Variants in DNAH5 observed in about 807,000 individuals in gnomAD.
DNAH5 encodes the protein dynein axonemal heavy chain 5.
DNAH5 carries 372 observed loss-of-function variants against 518.2 expected under a neutral mutation model. That is an observed-to-expected ratio of 0.72 (90% CI 0.66 to 0.78). The LOEUF (loss-of-function observed/expected upper bound fraction) is 0.78, where lower values mean the gene tolerates loss of function less well. Ranked by LOEUF, DNAH5 falls within the 30% of genes least tolerant of loss-of-function variation. The probability of loss-of-function intolerance (pLI) is 0.00; values close to 1 mark genes in which losing one functional copy is unlikely to be tolerated. For synonymous variants in DNAH5, 2,039 were observed against 2,025.9 expected, an observed-to-expected ratio of 1.01 and a Z score of -0.17; for missense variants, 5,523 against 5,687.0, an observed-to-expected ratio of 0.97 and a Z score of 0.93.
intron 1 of DNAH5, among the ~76,000 whole-genome samples, chr5:13,990,599 G>A (rs575720463): frequency 6.6e-6 from 1 of 152,008 alleles, no homozygotes; most frequent in South Asian, 2.1e-4. Context: ...CAGGCGTGGT[G>A]GCTCATTCCT....
chr5:13,999,177 T>G (rs931078512), intron 1 of DNAH5, among the ~76,000 whole-genome samples: 1 of 152,240 alleles, frequency 6.6e-6, no homozygotes, highest in African/African-American at 2.4e-5. Flanking sequence ...CGGCCTGCCA[T>G]TAATTACTTT....
At chr5:13,870,729 A>C in intron 24 of DNAH5, 38 bp downstream of exon 24, 2 of 1,539,002 alleles carry the variant, frequency 1.3e-6, no homozygotes, top group Non-Finnish European at 1.8e-6. Context: ...TCCAACATGT[A>C]GAAATATTTC....
rs1185501407 is a variant in DNAH5, at chr5:13,809,163, G to A, written c.7633C>T (p.Arg2545Cys). Residue 2545 changes from arginine (R) to cysteine (C), a missense_variant, in exon 46 of 79, where the codon CGT becomes TGT. Arg to Cys is a radical substitution (Grantham distance 180, BLOSUM62 -3). Coordinates refer to ENST00000265104, the MANE Select transcript of DNAH5 (RefSeq NM_001369.3). The part of the protein sequence containing the change: ...PDGTWTHWNT[R>C]TQEYLYPSDT... ...GACGGATACAGGTATTCCTGGGTAC[G>A]CGTGTTCCAGTGCGTCCATGTACCT... is the stretch of plus-strand genomic sequence containing the variant. 9.9e-6 allele frequency: 16 copies of A among 1,614,002 alleles called. No homozygotes were observed. Among genetic ancestry groups the A allele is most frequent in the Middle Eastern group, 1.6e-4 (1 of 6,084 alleles).
chr5:13,728,746 CCTT>C (rs1268009135), intron 69 of DNAH5, among the ~76,000 whole-genome samples: 3 of 152,132 alleles, frequency 2.0e-5, no homozygotes, highest in Non-Finnish European at 4.4e-5. Flanking sequence ...TCAAAAAAAG[CCTT>C]CAACTTATAG....
At chr5:13,742,098 C>A (rs1036055625) in intron 65 of DNAH5, among the ~76,000 whole-genome samples, 1 of 151,892 alleles carries the variant, frequency 6.6e-6, no homozygotes, top group South Asian at 2.1e-4. Flanking sequence ...AAATGTGGCA[C>A]AAAGTAAATG....
At chr5:13,850,110 C>T (rs961880236) in intron 31 of DNAH5, among the ~76,000 whole-genome samples, 2 of 152,080 alleles carry the variant, frequency 1.3e-5, no homozygotes, top group African/African-American at 4.8e-5. Context: ...TCAATGTACA[C>T]TTAGCATATT....
Position 13,776,576 on chromosome 5 carries a change from C to T in DNAH5, c.9236G>A (p.Arg3079Gln), listed in dbSNP as rs752552477. 38 of 1,613,784 alleles carry T rather than the reference C, an allele frequency of 2.4e-5. 1 individual carries two copies. The Admixed American group carries it at 2.7e-4, about 11-fold the overall frequency. ...GCAGAGCACAATATGAAGGTTCTGT[C>T]GGACCCGACTCATGAAGTAGTCGTG... ...NLHDYFMSRV[R>Q]QNLHIVLCFS... Residue 3079 changes from arginine (R) to glutamine (Q), a missense_variant, in exon 55 of 79, where the codon CGA becomes CAA. By Grantham distance (43) the Arg-to-Gln change is conservative. Coordinates refer to ENST00000265104, the MANE Select transcript of DNAH5 (RefSeq NM_001369.3).
intron 3 of DNAH5, among the ~76,000 whole-genome samples, chr5:13,924,926 C>T (rs1386589303): frequency 6.6e-6 from 1 of 151,972 alleles, no homozygotes; most frequent in Non-Finnish European, 1.5e-5. Flanking sequence ...TTTAGATCTC[C>T]AAATGGACCG....
chr5:13,974,558 G>T (rs553928652), intron 1 of DNAH5, among the ~76,000 whole-genome samples: 2 of 152,258 alleles, frequency 1.3e-5, no homozygotes, highest in East Asian at 1.9e-4. Flanking sequence ...AAGTTCAATA[G>T]GGATGGTGAA....
intron 1 of DNAH5, among the ~76,000 whole-genome samples, chr5:13,983,098 G>C (rs974704991): frequency 1.3e-5 from 2 of 152,214 alleles, no homozygotes; most frequent in Admixed American, 6.5e-5. Flanking sequence ...AAAAGCCCTA[G>C]GAATCTGGAT....
chr5:13,718,938 T>G lies in DNAH5; in HGVS notation c.12443A>C (p.Lys4148Thr). 6.2e-7 allele frequency: 1 copy of G among 1,614,146 alleles called. No homozygotes were observed. The highest frequency in any genetic ancestry group is 1.1e-5 in the South Asian group (1 of 91,074). ...FPITLLQMSI[K>T]FANDPPQGLR... ...TCCTTGTGGAGGATCGTTGGCAAAT[T>G]TAATGGACATCTGAAGGAGTGTAAT... is the stretch of plus-strand genomic sequence containing the variant. The change falls in exon 72 of 79, where the codon AAA becomes ACA. Residue 4148 changes from lysine (K) to threonine (T), a missense_variant. Lys to Thr is a moderately conservative substitution (Grantham distance 78). This residue lies in a region of DNAH5 where 5,121 missense variants were observed against 5,223.3 expected (regional missense o/e 0.98). Transcript: ENST00000265104.
intron 1 of DNAH5, among the ~76,000 whole-genome samples, chr5:13,974,417 G>A (rs1782093646): frequency 6.6e-6 from 1 of 152,126 alleles, no homozygotes; most frequent in Non-Finnish European, 1.5e-5. Flanking sequence ...GAGCCATCAT[G>A]CCCAGCAACA....
At chr5:13,788,998 A>T in intron 50 of DNAH5, 84 bp from the exon 51 acceptor site, 2 of 1,226,258 alleles carry the variant, frequency 1.6e-6, no homozygotes, top group South Asian at 2.6e-5. Flanking sequence ...GTAGAGTATT[A>T]TCCTTCCTGA....
intron 47 of DNAH5, among the ~76,000 whole-genome samples, chr5:13,803,153 A>G (rs377272297): frequency 1.3e-5 from 2 of 152,188 alleles, no homozygotes; most frequent in South Asian, 2.1e-4. Context: ...CATGTTACAT[A>G]CAATTAAACA....
intron 35 of DNAH5, among the ~76,000 whole-genome samples, chr5:13,831,634 A>G (rs1763679352): frequency 6.6e-6 from 1 of 152,228 alleles, no homozygotes; most frequent in Non-Finnish European, 1.5e-5. Flanking sequence ...AACGAGTGCT[A>G]TAAAGGCAAG....
intron 63 of DNAH5, 118 bp from the exon 64 acceptor site, chr5:13,752,407 G>T: frequency 8.0e-7 from 1 of 1,252,848 alleles, no homozygotes. Context: ...TACAAATTGA[G>T]CATCCAAAAT....
intron 28 of DNAH5, among the ~76,000 whole-genome samples, chr5:13,863,436 C>A (rs1768775408): frequency 1.3e-5 from 2 of 152,074 alleles, no homozygotes; most frequent in South Asian, 4.2e-4. Context: ...TGCACCTTGT[C>A]ACCCAATCTG....
chr5:13,873,159 C>A (rs1020239463), intron 22 of DNAH5, among the ~76,000 whole-genome samples: 2 of 152,038 alleles, frequency 1.3e-5, no homozygotes, highest in African/African-American at 4.8e-5. Context: ...GAAAGAACAA[C>A]AAAGAAAGAA....
chr5:13,784,914 T>C (rs1755742416), intron 52 of DNAH5, among the ~76,000 whole-genome samples: 1 of 152,158 alleles, frequency 6.6e-6, no homozygotes. Context: ...TAATGACTCA[T>C]ATCAGCAGTC....
Sources: allele counts gnomAD v4.1 joint callset (sites outside exome capture counted in the v4.1 genomes callset), GRCh38; gene constraint gnomAD v4.1.1; regional missense constraint gnomAD v4.1.1; transcripts MANE v1.5; gene names NCBI Gene and HGNC (gene_info 2026-07-23, HGNC 2026-07-21).